The following TOX variants were observed in gnomAD, a reference collection of about 807,000 sequenced individuals.
The protein encoded by TOX is thymocyte selection associated high mobility group box, also known as thymocyte selection-associated high mobility group box protein TOX.
A neutral mutation model predicts 53.7 loss-of-function variants in TOX; 11 were observed. The ratio of observed to expected loss-of-function variants is 0.20; its 90% confidence interval spans 0.13 to 0.34. The LOEUF (loss-of-function observed/expected upper bound fraction) is 0.34, where lower values mean the gene tolerates loss of function less well. Ranked by LOEUF, TOX falls within the 10% of genes least tolerant of loss-of-function variation. The probability of loss-of-function intolerance (pLI) is 1.00; values close to 1 mark genes in which losing one functional copy is unlikely to be tolerated. For synonymous variants in TOX, 225 were observed against 245.3 expected (o/e 0.92, Z 0.77); for missense variants, 570 against 664.6 (o/e 0.86, Z 1.56).
At chr8:58,850,478 A>C (rs991178236) in intron 4 of TOX, among the ~76,000 whole-genome samples, 3 of 152,136 alleles carry the variant, frequency 2.0e-5, no homozygotes, top group Non-Finnish European at 4.4e-5. Context: ...GGCTGTAAGG[A>C]GTGATCCCTA....
intron 2 of TOX, among the ~76,000 whole-genome samples, chr8:58,955,875 C>T (rs546844670): frequency 4.7e-4 from 71 of 151,904 alleles, no homozygotes; most frequent in African/African-American, 1.7e-3. Flanking sequence ...GCTGGGATTA[C>T]AGGTGCACTC....
intron 3 of TOX, among the ~76,000 whole-genome samples, chr8:58,928,088 T>C (rs968984873): frequency 6.6e-6 from 1 of 152,260 alleles, no homozygotes; most frequent in Non-Finnish European, 1.5e-5. Flanking sequence ...GTTTAATATA[T>C]GTAACCCAAG....
chr8:59,063,103 A>T (rs976270976), intron 1 of TOX, among the ~76,000 whole-genome samples: 4 of 152,146 alleles, frequency 2.6e-5, no homozygotes, highest in Admixed American at 1.3e-4. Context: ...TTGAGTAGGT[A>T]TTAGTTACAG....
At chr8:58,839,732 T>C (rs1585853938) in intron 4 of TOX, among the ~76,000 whole-genome samples, 1 of 152,190 alleles carries the variant, frequency 6.6e-6, no homozygotes. Context: ...ATTGTGGTGG[T>C]TGTAGTTGCC....
At chr8:59,079,870 C>T (rs1211084882) in intron 1 of TOX, among the ~76,000 whole-genome samples, 1 of 152,236 alleles carries the variant, frequency 6.6e-6, no homozygotes, top group Non-Finnish European at 1.5e-5. Flanking sequence ...AGAGCAGCCT[C>T]AGGGGCTTAG....
rs149279746 is a variant in TOX, at chr8:58,866,221, T to A, written c.412-14416A>T. On this transcript the variant is annotated intron_variant, in intron 3 of 8. Transcript: ENST00000361421. ...GAACCACTTAAACAATAAATTTCTG[T>A]ATTGTAAAAGAGTTGACTTGCACTT... Among the ~76,000 whole-genome samples the A allele has an allele frequency of 4.3e-3, 656 of 152,274 alleles. 5 individuals are homozygous for A. The highest frequency in any genetic ancestry group is 9.3e-3 in the Admixed American group (142 of 15,284).
At chr8:58,865,843 TTTTTGTCCTGAGACAGAGTCTCACTC>T (rs1468711065) in intron 3 of TOX, among the ~76,000 whole-genome samples, 4 of 104,954 alleles carry the variant, frequency 3.8e-5, no homozygotes, top group African/African-American at 1.2e-4. Flanking sequence ...TTTTTTTTTT[TTTTTGTCCTGAGACAGAGTCTCACTC>T]TGTCGTCCAG....
intron 1 of TOX, among the ~76,000 whole-genome samples, chr8:59,067,971 A>G (rs2129422391): frequency 6.6e-6 from 1 of 152,398 alleles, no homozygotes; most frequent in South Asian, 2.1e-4. Context: ...ATGTAGAAAT[A>G]AGTAATCTAT....
At chr8:59,107,066 C>T (rs1804926116) in intron 1 of TOX, among the ~76,000 whole-genome samples, 1 of 129,766 alleles carries the variant, frequency 7.7e-6, no homozygotes, top group African/African-American at 3.2e-5. Flanking sequence ...GGGAACGTGA[C>T]ATTTCTAATT....
At chr8:59,091,439 T>C (rs368071966) in intron 1 of TOX, among the ~76,000 whole-genome samples, 1 of 152,082 alleles carries the variant, frequency 6.6e-6, no homozygotes, top group Non-Finnish European at 1.5e-5. Flanking sequence ...TCTTCCTCTA[T>C]TCACCCCTTA....
At chr8:58,827,435 T>A (rs1810384015) in intron 5 of TOX, among the ~76,000 whole-genome samples, 2 of 152,286 alleles carry the variant, frequency 1.3e-5, no homozygotes, top group South Asian at 4.1e-4. Context: ...AAGTTCTATT[T>A]TCAAAGACTC....
intron 1 of TOX, among the ~76,000 whole-genome samples, chr8:59,113,630 G>A (rs1563450735): frequency 1.3e-5 from 2 of 152,274 alleles, no homozygotes; most frequent in East Asian, 3.9e-4. Flanking sequence ...CAGTGGAGAA[G>A]AGAGTTCAGA....
At chr8:59,084,113 C>T (rs1406159309) in intron 1 of TOX, among the ~76,000 whole-genome samples, 8 of 152,040 alleles carry the variant, frequency 5.3e-5, no homozygotes, top group South Asian at 4.2e-4. Flanking sequence ...ATGACCGCAC[C>T]GCAGAATGTT....
chr8:58,856,130 G>A (rs967990970), intron 3 of TOX, among the ~76,000 whole-genome samples: 6 of 152,066 alleles, frequency 3.9e-5, no homozygotes, highest in African/African-American at 1.4e-4. Context: ...CTTTCCCCAC[G>A]ATTCCATGCT....
chr8:58,861,611 A>G (rs1427989329), intron 3 of TOX, among the ~76,000 whole-genome samples: 1 of 152,236 alleles, frequency 6.6e-6, no homozygotes, highest in Non-Finnish European at 1.5e-5. Context: ...GCATTGAAAT[A>G]AAAAGAATGG....
intron 1 of TOX, among the ~76,000 whole-genome samples, chr8:58,969,496 C>T (rs1370138673): frequency 6.6e-6 from 1 of 152,042 alleles, no homozygotes; most frequent in African/African-American, 2.4e-5. Context: ...TTCATTATTG[C>T]CTAGTTGCCC....
chr8:58,826,905 G>A lies in TOX; in HGVS notation c.925-3C>T. 2 of 1,608,772 alleles carry A rather than the reference G, an allele frequency of 1.2e-6. No individual in the cohort carries two copies. The highest frequency in any genetic ancestry group is 1.7e-6 in the Non-Finnish European group (2 of 1,178,002). ...GCCTCGGTTTTCTTTTTATAGACCT[G>A]CAACAACAGCAAAGAGTCTTAAATT... On this transcript the variant is annotated splice_region_variant and splice_polypyrimidine_tract_variant and intron_variant, in intron 5 of 8. Transcript: ENST00000361421.
chr8:59,065,026 A>C (rs1804062197), intron 1 of TOX, among the ~76,000 whole-genome samples: 1 of 152,310 alleles, frequency 6.6e-6, no homozygotes, highest in Admixed American at 6.5e-5. Context: ...ATGAAAAAGG[A>C]ACTGCTTTGG....
intron 1 of TOX, among the ~76,000 whole-genome samples, chr8:59,066,606 T>C (rs891364805): frequency 6.6e-6 from 1 of 152,196 alleles, no homozygotes; most frequent in Non-Finnish European, 1.5e-5. Flanking sequence ...TGCAGCACCA[T>C]TAAATAGATC....
Sources: gnomAD v4.1 joint callset for allele counts (sites outside exome capture counted in the v4.1 genomes callset) on GRCh38, gnomAD v4.1.1 for gene constraint, MANE v1.5 for transcripts, NCBI Gene and HGNC (gene_info 2026-07-23, HGNC 2026-07-21) for gene names.